Variants in SETBP1 observed in about 807,000 individuals in gnomAD.
SETBP1 encodes SET-binding protein.
SETBP1 carries 9 observed loss-of-function variants against 101.0 expected under a neutral mutation model. The observed-to-expected ratio is 0.09, with a 90% CI of 0.05 to 0.16. The LOEUF is 0.16. Among genes scored for constraint, SETBP1 ranks in the 10% least tolerant of loss-of-function variants. SETBP1 has a pLI of 1.00. For missense variants in SETBP1, 1,858 were observed against 2,033.8 expected (o/e 0.91, Z 1.66); for synonymous variants, 818 against 788.5 (o/e 1.04, Z -0.63).
At chr18:44,758,673 C>A (rs1030020676) in intron 2 of SETBP1, among the ~76,000 whole-genome samples, 1 of 152,170 alleles carries the variant, frequency 6.6e-6, no homozygotes, top group African/African-American at 2.4e-5. Flanking sequence ...TGAGCCACCA[C>A]GCCCGGCCTG....
At chr18:44,911,912 C>G (rs747152450) in intron 3 of SETBP1, among the ~76,000 whole-genome samples, 1 of 149,706 alleles carries the variant, frequency 6.7e-6, no homozygotes, top group Admixed American at 6.7e-5. Context: ...AGAGAAGGTA[C>G]AAACGTGTGT....
At chr18:44,898,719 C>G (rs1213996234) in intron 3 of SETBP1, among the ~76,000 whole-genome samples, 1 of 152,078 alleles carries the variant, frequency 6.6e-6, no homozygotes, top group Non-Finnish European at 1.5e-5. Flanking sequence ...GATTAGGAAG[C>G]TGAAAGGTGA....
intron 3 of SETBP1, among the ~76,000 whole-genome samples, chr18:44,883,517 TG>T (rs1325253188): frequency 6.6e-6 from 1 of 152,212 alleles, no homozygotes; most frequent in Non-Finnish European, 1.5e-5. Context: ...TCAGGTTGTC[TG>T]TCACCATATT....
At chr18:44,816,605 C>T (rs1391079101) in intron 2 of SETBP1, among the ~76,000 whole-genome samples, 1 of 152,134 alleles carries the variant, frequency 6.6e-6, no homozygotes, top group Non-Finnish European at 1.5e-5. Flanking sequence ...AGAGCATCAG[C>T]AAAAGAAGGG....
chr18:45,033,787 T>C (rs2145476833), intron 4 of SETBP1, among the ~76,000 whole-genome samples: 1 of 152,322 alleles, frequency 6.6e-6, no homozygotes, highest in South Asian at 2.1e-4. Flanking sequence ...TCTTTTATTT[T>C]AAAGAAACTA....
chr18:44,822,424 T>C (rs1381542162), intron 2 of SETBP1, among the ~76,000 whole-genome samples: 1 of 152,202 alleles, frequency 6.6e-6, no homozygotes, highest in African/African-American at 2.4e-5. Context: ...TCTAAAATTA[T>C]TGATAGTTGA....
intron 2 of SETBP1, among the ~76,000 whole-genome samples, chr18:44,864,877 A>G (rs2069095800): frequency 1.3e-5 from 2 of 151,870 alleles, no homozygotes; most frequent in South Asian, 4.2e-4. Flanking sequence ...CAAGGCTACC[A>G]TGAGCAGTGA....
At chr18:45,012,245 G>T (rs1247854746) in intron 4 of SETBP1, among the ~76,000 whole-genome samples, 1 of 152,216 alleles carries the variant, frequency 6.6e-6, no homozygotes, top group African/African-American at 2.4e-5. Context: ...GAAGAACTAG[G>T]TCAATCAAGA....
At chr18:44,718,780 C>T (rs2144320434) in intron 2 of SETBP1, among the ~76,000 whole-genome samples, 1 of 152,262 alleles carries the variant, frequency 6.6e-6, no homozygotes, top group Admixed American at 6.5e-5. Flanking sequence ...TTTGTTGCTT[C>T]ACCCAAGGTA....
rs188916136 is a variant in SETBP1 at position 44,755,703 on chromosome 18, G to A, written c.486+53871G>A. Among the ~76,000 whole-genome samples the A allele has an allele frequency of 8.8e-4, 134 of 152,186 alleles. 1 individual carries two copies. The East Asian group carries it at 0.022, about 25-fold the overall frequency. ...GGGAGACATGCTTGTGGCTCCTCTG[G>A]TTTTCCAGCTTGCAGACGATCTCTC... is the stretch of plus-strand genomic sequence containing the variant. On this transcript the variant is annotated intron_variant, in intron 2 of 5. Transcript: ENST00000649279.
chr18:44,781,467 C>CTCTCTG (rs1293774155), intron 2 of SETBP1, among the ~76,000 whole-genome samples: 2 of 151,834 alleles, frequency 1.3e-5, no homozygotes, highest in Non-Finnish European at 2.9e-5. Context: ...CTCTCTCTCT[C>CTCTCTG]TCTCTGTCTC....
intron 2 of SETBP1, among the ~76,000 whole-genome samples, chr18:44,817,206 A>C (rs2071997609): frequency 6.6e-6 from 1 of 152,304 alleles, no homozygotes; most frequent in African/African-American, 2.4e-5. Context: ...CTAACAGAAG[A>C]GCGTTACTTT....
intron 4 of SETBP1, among the ~76,000 whole-genome samples, chr18:44,954,351 A>T (rs956107680): frequency 9.9e-5 from 15 of 151,694 alleles, no homozygotes; most frequent in Admixed American, 6.6e-5. Context: ...AAAAAAAAAA[A>T]AAACAGTTCT....
intron 5 of SETBP1, among the ~76,000 whole-genome samples, chr18:45,049,582 A>G (rs1427247177): frequency 6.6e-6 from 1 of 152,114 alleles, no homozygotes; most frequent in African/African-American, 2.4e-5. Context: ...GAATAGGATA[A>G]ATTTTCCCCA....
At chr18:44,781,277 T>G (rs1287501134) in intron 2 of SETBP1, among the ~76,000 whole-genome samples, 8 of 152,198 alleles carry the variant, frequency 5.3e-5, no homozygotes, top group African/African-American at 1.9e-4. Context: ...GAATGGATTA[T>G]AGAGCATTGA....
intron 2 of SETBP1, among the ~76,000 whole-genome samples, chr18:44,745,766 TGAGCATCAAAGGAGG>T (rs1173951109): frequency 6.6e-6 from 1 of 152,022 alleles, no homozygotes; most frequent in Non-Finnish European, 1.5e-5. Context: ...AAGTGCTAAG[TGAGCATCAAAGGAGG>T]GAGCAGGAGG....
chr18:44,716,074 G>A (rs531898139), intron 2 of SETBP1, among the ~76,000 whole-genome samples: 7 of 152,270 alleles, frequency 4.6e-5, no homozygotes, highest in African/African-American at 1.7e-4. Flanking sequence ...GCTTTCAGAA[G>A]ATTTTTTTTT....
chr18:44,783,793 A>T (rs1367264671), intron 2 of SETBP1, among the ~76,000 whole-genome samples: 1 of 152,120 alleles, frequency 6.6e-6, no homozygotes, highest in Non-Finnish European at 1.5e-5. Flanking sequence ...AGATTGAAAA[A>T]CCTGTAAGAG....
intron 2 of SETBP1, among the ~76,000 whole-genome samples, chr18:44,839,211 C>T (rs760488746): frequency 2.7e-4 from 41 of 152,154 alleles, no homozygotes; most frequent in Non-Finnish European, 4.9e-4. Context: ...AAACAGTTTA[C>T]GAGTGTAGAT....
Sources: gnomAD v4.1 joint callset for allele counts (sites outside exome capture counted in the v4.1 genomes callset) on GRCh38, gnomAD v4.1.1 for gene constraint, MANE v1.5 for transcripts, NCBI Gene and HGNC (gene_info 2026-07-23, HGNC 2026-07-21) for gene names.